Variants in FMO5 observed in about 807,000 individuals in gnomAD.
The protein encoded by FMO5 is flavin-containing monooxygenase 5.
A neutral mutation model predicts 43.6 loss-of-function variants in FMO5; 51 were observed. The ratio of observed to expected loss-of-function variants is 1.17; its 90% CI spans 0.93 to 1.48. The LOEUF (loss-of-function observed/expected upper bound fraction) is 1.48. FMO5 is among the 40% of genes most tolerant of loss of function. The pLI, the probability that FMO5 is intolerant of heterozygous loss-of-function variation, is 0.00. For missense variants in FMO5, 644 were observed against 643.0 expected, an observed-to-expected ratio of 1.00 and a Z score of -0.02; for synonymous variants, 187 against 216.5, an observed-to-expected ratio of 0.86 and a Z score of 1.20.
Position 147,213,485 on chromosome 1 carries a change from G to C in FMO5, c.325-15C>G, listed in dbSNP as rs1553924280. ...CACACAGTGGTCTGAAAAGAAAAGT[G>C]ATAACCACAGGGGACATCCCTGACA... On this transcript the variant is annotated splice_polypyrimidine_tract_variant and intron_variant, in intron 3 of 8. Coordinates refer to ENST00000254090, the MANE Select transcript of FMO5 (RefSeq NM_001461.4). The C allele has an allele frequency of 6.3e-7, 1 of 1,587,250 alleles. No homozygotes were observed. The highest frequency in any genetic ancestry group is 1.2e-5 in the South Asian group (1 of 84,866).
intron 6 of FMO5, among the ~76,000 whole-genome samples, chr1:147,206,657 G>T (rs148149685): frequency 1.3e-5 from 2 of 151,978 alleles, no homozygotes; most frequent in African/African-American, 2.4e-5. Flanking sequence ...GCAAACTATC[G>T]CAAGGACAAA....
Position 147,186,462 on chromosome 1 carries a change from G to GAAA in FMO5, c.*435_*437dup. The stretch of plus-strand genomic sequence containing the variant: ...CAGGAAACATATTTAGTTATAATAT[G>GAAA]AAAAAAAACTAAAATTGAGCTTCTA... On this transcript the variant is annotated 3_prime_UTR_variant, in exon 9 of 9. Transcript: ENST00000254090. 1.1e-6 allele frequency: 1 copy of GAAA among 944,160 alleles called. No individual in the cohort carries two copies. The highest frequency in any genetic ancestry group is 1.3e-6 in the Non-Finnish European group (1 of 792,062). The allele number at this position is 944,160 out of a possible 1,614,324, so 58.5% of individuals were successfully genotyped here. A position where few individuals can be genotyped will look rare whatever the true frequency, so the allele number is the denominator to read the frequency against.
intron 2 of FMO5, among the ~76,000 whole-genome samples, chr1:147,221,970 A>T (rs1445418816): frequency 6.6e-6 from 1 of 152,200 alleles, no homozygotes; most frequent in Non-Finnish European, 1.5e-5. Context: ...CCTGCATTTT[A>T]CAATTTTCTA....
upstream of FMO5, chr1:147,225,926 G>A (rs1663942395): frequency 6.6e-6 from 1 of 152,200 alleles, no homozygotes; most frequent in South Asian, 2.1e-4. Flanking sequence ...ACGTGAAAGG[G>A]TCGTGATACA....
chr1:147,213,878 C>T (rs1180824874), intron 3 of FMO5, among the ~76,000 whole-genome samples: 1 of 152,136 alleles, frequency 6.6e-6, no homozygotes, highest in Non-Finnish European at 1.5e-5. Context: ...AGGTTCTCTT[C>T]TCCTGGCTAC....
intron 7 of FMO5, among the ~76,000 whole-genome samples, chr1:147,193,347 G>T (rs1413948212): frequency 6.6e-6 from 1 of 152,054 alleles, no homozygotes; most frequent in Admixed American, 6.5e-5. Flanking sequence ...TGTGGGATCG[G>T]TGGTGATATC....
intron 7 of FMO5, among the ~76,000 whole-genome samples, chr1:147,196,878 C>G (rs1658107922): frequency 6.6e-6 from 1 of 152,108 alleles, no homozygotes; most frequent in African/African-American, 2.4e-5. Context: ...TCATTTAAGT[C>G]TGGCTCCTCC....
upstream of FMO5, chr1:147,225,347 G>T: frequency 3.0e-6 from 1 of 331,316 alleles, no homozygotes. Flanking sequence ...CTCAACAGGC[G>T]GCTGTTGTCA....
chr1:147,198,037 G>T lies in FMO5; in HGVS notation c.1183+3115C>A, dbSNP rs376964383. On this transcript the variant is annotated intron_variant, in intron 7 of 8. Coordinates refer to ENST00000254090, the MANE Select transcript of FMO5 (RefSeq NM_001461.4). ...TCAGTCTGCTGTCAGCCTAAAGCAG[G>T]TTGTATCTGTGTAATCCTGACTTGC... Among the ~76,000 whole-genome samples the T allele has an allele frequency of 6.3e-4, 96 of 152,274 alleles. 1 individual carries two copies. Among genetic ancestry groups the T allele is most frequent in the African/African-American group, 2.2e-3 (90 of 41,528 alleles).
At chr1:147,204,927 C>T in intron 6 of FMO5, 1 of 1,558,838 alleles carries the variant, frequency 6.4e-7, no homozygotes, top group Non-Finnish European at 8.8e-7. Flanking sequence ...GAACTTGAAG[C>T]GCCATGGCCA....
rs72549315 is a variant in FMO5 at position 147,208,902 on chromosome 1, CT to C, written c.779del (p.Lys260ArgfsTer2). 3 of 1,613,990 alleles carry C rather than the reference CT, an allele frequency of 1.9e-6. No homozygotes were observed. Among genetic ancestry groups the C allele is most frequent in the African/African-American group, 1.3e-5 (1 of 74,930 alleles). ...TTTCATGGTCAAACCTTTGGTTTAT[CT>C]TTTTTTCCAAATATTTGTTTGCTAA... is the stretch of plus-strand genomic sequence containing the variant. Reference protein sequence around the residue: ...QSLANKYLEKKINQRFDHEMF... With the variant: ...QSLANKYLEKXINQRFDHEMF... On this transcript the variant is annotated frameshift_variant, in exon 6 of 9. Transcript: ENST00000254090. LOFTEE classifies it high-confidence loss of function.
chr1:147,188,022 A>G (rs1655937199), intron 8 of FMO5, among the ~76,000 whole-genome samples: 1 of 152,156 alleles, frequency 6.6e-6, no homozygotes, highest in African/African-American at 2.4e-5. Context: ...AAAATGATAG[A>G]AAATAAATTT....
chr1:147,196,119 A>G (rs1225131419), intron 7 of FMO5, among the ~76,000 whole-genome samples: 1 of 152,134 alleles, frequency 6.6e-6, no homozygotes, highest in Admixed American at 6.5e-5. Flanking sequence ...TGTTTCCCAT[A>G]TAATGGTTTT....
chr1:147,205,921 C>T (rs1553922215), intron 6 of FMO5, among the ~76,000 whole-genome samples: 1 of 152,050 alleles, frequency 6.6e-6, no homozygotes, highest in Non-Finnish European at 1.5e-5. Flanking sequence ...CAAATGGGAT[C>T]TAATTAAACT....
At chr1:147,204,951 C>A (rs879973036) in intron 6 of FMO5, 12 of 1,469,764 alleles carry the variant, frequency 8.2e-6, no homozygotes, top group South Asian at 1.1e-5. Context: ...TGCAGGAAGC[C>A]GTTCACGTGA....
intron 1 of FMO5, 89 bp from the exon 2 acceptor site, chr1:147,225,155 T>C: frequency 6.5e-7 from 1 of 1,545,420 alleles, no homozygotes. Flanking sequence ...ATAAATTCTG[T>C]ACAAGAGGTG....
chr1:147,216,786 C>T (rs782804214), intron 2 of FMO5, among the ~76,000 whole-genome samples: 4 of 152,178 alleles, frequency 2.6e-5, no homozygotes, highest in Admixed American at 1.3e-4. Context: ...GACTCTCAGG[C>T]CCCACCTCAG....
intron 7 of FMO5, among the ~76,000 whole-genome samples, 189 bp downstream of exon 7, chr1:147,200,963 G>A (rs1265942271): frequency 1.3e-5 from 2 of 152,138 alleles, no homozygotes; most frequent in Non-Finnish European, 2.9e-5. Flanking sequence ...AAATTTCCCA[G>A]GTATGATGTA....
At chr1:147,194,329 C>T (rs150401165) in intron 7 of FMO5, among the ~76,000 whole-genome samples, 5,605 of 152,064 alleles carry the variant, frequency 0.037, 154 homozygotes, top group South Asian at 0.095. Context: ...AGGATTGCAA[C>T]CCCTGCCTTT....
Sources: allele counts gnomAD v4.1 joint callset (sites outside exome capture counted in the v4.1 genomes callset), GRCh38; gene constraint gnomAD v4.1.1; transcripts MANE v1.5; gene names NCBI Gene and HGNC (gene_info 2026-07-23, HGNC 2026-07-21).